Variants in PRRC2B observed in about 807,000 individuals in gnomAD.
The protein encoded by PRRC2B is protein PRRC2B.
PRRC2B carries 68 observed loss-of-function variants against 242.3 expected under a neutral mutation model. The observed-to-expected ratio is 0.28, with a 90% CI of 0.23 to 0.34. The LOEUF is 0.34. Among genes scored for constraint, PRRC2B ranks in the 10% least tolerant of loss-of-function variants. PRRC2B has a pLI of 1.00. For missense variants in PRRC2B, 2,835 were observed against 2,954.8 expected (o/e 0.96, Z 0.94); for synonymous variants, 1,228 against 1,173.6 (o/e 1.05, Z -0.95).
chr9:131,444,293 T>A lies in PRRC2B; in HGVS notation c.578T>A (p.Leu193Gln). The change falls in exon 6 of 32, where the codon CTG (leucine) becomes CAG (glutamine). Residue 193 changes from leucine to glutamine, a missense_variant. Leu to Gln is a moderately radical substitution (Grantham distance 113). Transcript: ENST00000683519. ...KAGKEKGVLD[L>Q]SYGPGPSLRP... ...GGCAAAGAAAAGGGCGTCTTAGATC[T>A]GTCGTATGGGCCAGGACCAAGCCTC... 1 of 1,613,580 alleles carries A rather than the reference T, an allele frequency of 6.2e-7. No homozygotes were observed. The highest frequency in any genetic ancestry group is 8.5e-7 in the Non-Finnish European group (1 of 1,179,698).
intron 1 of PRRC2B, among the ~76,000 whole-genome samples, chr9:131,408,901 TAGAGACG>T (rs1837435426): frequency 6.6e-6 from 1 of 151,996 alleles, no homozygotes; most frequent in African/African-American, 2.4e-5. Flanking sequence ...GTGTTTTCAG[TAGAGACG>T]AGGTTTCTCC....
intron 19 of PRRC2B, among the ~76,000 whole-genome samples, chr9:131,480,513 C>G (rs1187627285): frequency 2.6e-5 from 4 of 151,940 alleles, no homozygotes; most frequent in African/African-American, 7.3e-5. Flanking sequence ...TTTGTCAGAT[C>G]TTTTACTCCA....
intron 6 of PRRC2B, among the ~76,000 whole-genome samples, chr9:131,444,692 A>G (rs1838730908): frequency 6.6e-6 from 1 of 152,174 alleles, no homozygotes; most frequent in Non-Finnish European, 1.5e-5. Flanking sequence ...TCTAGTCGGA[A>G]TCACTGGGGA....
At chr9:131,379,299 G>A (rs1836725219) in intron 1 of PRRC2B, among the ~76,000 whole-genome samples, 1 of 152,146 alleles carries the variant, frequency 6.6e-6, no homozygotes, top group South Asian at 2.1e-4. Flanking sequence ...ATGTGTTGGG[G>A]TATATATCCA....
intron 13 of PRRC2B, among the ~76,000 whole-genome samples, chr9:131,470,196 A>G (rs1284596517): frequency 6.6e-6 from 1 of 152,192 alleles, no homozygotes; most frequent in Non-Finnish European, 1.5e-5. Context: ...GCAAAGTCAC[A>G]CGGGACCCAA....
chr9:131,485,382 G>C (rs1264867311), intron 25 of PRRC2B, among the ~76,000 whole-genome samples: 2 of 152,220 alleles, frequency 1.3e-5, no homozygotes, highest in Non-Finnish European at 2.9e-5. Flanking sequence ...ACTGGTGACA[G>C]GAGCGAGCAA....
chr9:131,487,919 A>G lies in PRRC2B; in HGVS notation c.6048A>G (p.Thr2016=). ...GCACCATGATCCTCTCTGGGGGCAC[A>G]GCCTTGAAGCCTCCATACTCGGCGT... The part of the protein sequence containing the change: ...PPSTMILSGG[T]ALKPPYSAFP... The change falls in exon 28 of 32, where the codon ACA becomes ACG. Residue 2016 remains threonine (T), a synonymous_variant. Transcript: ENST00000683519. The surrounding 1 kb of genome is among the most constrained non-coding windows in gnomAD (Gnocchi z 5.3). The G allele has an allele frequency of 5.0e-6, 8 of 1,613,918 alleles. No individual in the cohort carries two copies. The highest frequency in any genetic ancestry group is 6.8e-6 in the Non-Finnish European group (8 of 1,179,828).
chr9:131,377,310 T>C (rs1439580461), intron 1 of PRRC2B, among the ~76,000 whole-genome samples: 3 of 152,182 alleles, frequency 2.0e-5, no homozygotes, highest in African/African-American at 4.8e-5. Flanking sequence ...AGACGGGGTT[T>C]CACCATGTTG....
rs1230369963 is a variant in PRRC2B at position 131,476,278 on chromosome 9, C to G, written c.4149C>G (p.Phe1383Leu). The G allele has an allele frequency of 6.2e-7, 1 of 1,608,604 alleles. No individual in the cohort carries two copies. Among genetic ancestry groups the G allele is most frequent in the African/African-American group, 1.3e-5 (1 of 74,948 alleles). Residue 1383 changes from phenylalanine (F) to leucine (L), a missense_variant, in exon 16 of 32, where the codon TTC (phenylalanine) becomes TTG (leucine). By Grantham distance (22) the Phe-to-Leu change is conservative. Coordinates refer to ENST00000683519, the MANE Select transcript of PRRC2B (RefSeq NM_013318.4). ...EWETASESSD[F>L]SERRERREGP... is the part of the protein sequence containing the mutation. ...AGACGGCCTCCGAAAGCAGCGACTT[C>G]AGCGAGCGGCGGGAGCGGCGGGAAG...
At chr9:131,466,360 C>G (rs1362281303) in intron 12 of PRRC2B, among the ~76,000 whole-genome samples, 3 of 152,194 alleles carry the variant, frequency 2.0e-5, no homozygotes, top group East Asian at 1.9e-4. Flanking sequence ...GTAATTAATT[C>G]AATTCTTACA....
intron 1 of PRRC2B, among the ~76,000 whole-genome samples, chr9:131,422,173 G>A (rs777295509): frequency 1.3e-5 from 2 of 152,060 alleles, no homozygotes; most frequent in Non-Finnish European, 2.9e-5. Context: ...TCCTGCCTCA[G>A]CCTCCCGAAT....
rs775941500 is a variant in PRRC2B, at chr9:131,464,901, C to T, written c.1543C>T (p.Arg515Cys). 1.1e-5 allele frequency: 18 copies of T among 1,613,160 alleles called. No individual in the cohort carries two copies. The highest frequency in any genetic ancestry group is 8.8e-5 in the South Asian group (8 of 91,044). ...CCGAAAGCGCCGGGAAGAAGAGGAG[C>T]GCCGAGCCCGGGAGGAGAGGCTGGC... ...RARKRREEEE[R>C]RAREERLAAC... The change falls in exon 12 of 32, where the codon CGC becomes TGC. Residue 515 changes from arginine to cysteine, a missense_variant. Around this residue, in one of 7 missense-constraint regions of PRRC2B, gnomAD observed 626 missense variants for 685.5 expected, o/e 0.91. Transcript: ENST00000683519.
chr9:131,393,469 C>T (rs1344394601), upstream of PRRC2B, among the ~76,000 whole-genome samples: 2 of 152,196 alleles, frequency 1.3e-5, no homozygotes, highest in African/African-American at 4.8e-5. Flanking sequence ...ACACAACACT[C>T]AAGAGGAGGG....
Position 131,486,012 on chromosome 9 carries a change from G to C in PRRC2B, c.5759-73G>C, listed in dbSNP as rs541748532. On this transcript the variant is annotated intron_variant, in intron 25 of 31. Coordinates refer to ENST00000683519, the MANE Select transcript of PRRC2B (RefSeq NM_013318.4). The stretch of plus-strand genomic sequence containing the variant: ...CCTGGGTAGAGCAGACCTGTAGACT[G>C]TTTCCCTCAGGGACATTGAGAAGTA... The C allele has an allele frequency of 3.5e-5, 36 of 1,040,484 alleles. No individual in the cohort carries two copies. The African/African-American group carries it at 4.9e-4, about 14-fold the overall frequency. 64.5% of individuals were successfully genotyped at this position (1,040,484 alleles called of 1,614,324 possible).
At chr9:131,483,711 G>A (rs1206777330) in intron 23 of PRRC2B, among the ~76,000 whole-genome samples, 1 of 152,182 alleles carries the variant, frequency 6.6e-6, no homozygotes, top group East Asian at 1.9e-4. Context: ...CCAGACTCAG[G>A]CTGCCTTTTC....
rs1287852475 is a variant in PRRC2B at position 131,476,543 on chromosome 9, C to T, written c.4406+8C>T. 1.3e-6 allele frequency: 2 copies of T among 1,570,240 alleles called. No individual in the cohort carries two copies. The highest frequency in any genetic ancestry group is 2.4e-5 in the South Asian group (2 of 84,992). On this transcript the variant is annotated splice_region_variant and intron_variant, in intron 16 of 31. Transcript: ENST00000683519. ...GCCTTTGAAAGTGAAAAGGTAAAAC[C>T]AGACACCATCTGGGCCCTTTTTGTT...
At chr9:131,461,390 G>T (rs997710866) in intron 11 of PRRC2B, among the ~76,000 whole-genome samples, 2 of 152,090 alleles carry the variant, frequency 1.3e-5, no homozygotes, top group Non-Finnish European at 2.9e-5. Flanking sequence ...GCAGTCAGCC[G>T]CCAGGACTCC....
At position 131,500,162 on chromosome 9, in the gene PRRC2B, C is replaced by A. The variant is rs1442542824; in HGVS notation, c.*4288C>A. On this transcript the variant is annotated 3_prime_UTR_variant, in exon 32 of 32. Transcript: ENST00000683519. ...CTAGCTCTTTCCATATGAAAGAATTCTCCTTATTTAAATAAAAAAAGTTTA... is the reference window on the plus strand; with the variant it reads ...CTAGCTCTTTCCATATGAAAGAATTATCCTTATTTAAATAAAAAAAGTTTA... 6.6e-6 allele frequency: 1 copy of A among 152,152 alleles called. No individual in the cohort carries two copies. The highest frequency in any genetic ancestry group is 2.4e-5 in the African/African-American group (1 of 41,428). The allele number at this position is 152,152 out of a possible 1,614,324, so 9.4% of individuals were successfully genotyped here. A position where few individuals can be genotyped will look rare whatever the true frequency, so the allele number is the denominator to read the frequency against.
chr9:131,446,766 T>G lies in PRRC2B; in HGVS notation c.855+124T>G. 8.7e-7 allele frequency: 1 copy of G among 1,146,324 alleles called. No homozygotes were observed. The highest frequency in any genetic ancestry group is 1.2e-6 in the Non-Finnish European group (1 of 816,534). 71.0% of individuals were successfully genotyped at this position (1,146,324 alleles called of 1,614,324 possible). A position where few individuals can be genotyped will look rare whatever the true frequency, so the allele number is the denominator to read the frequency against. ...GCCCTGTTACCCTACTTCTGAGGCT[T>G]CCACTCGTTTTGCATTTTCTCTCCC... On this transcript the variant is annotated intron_variant, in intron 7 of 31. Transcript: ENST00000683519. This position sits in a 1 kb window ranked among gnomAD's most constrained non-coding sequence, Gnocchi z 4.1.
Sources: gnomAD v4.1 joint callset for allele counts (sites outside exome capture counted in the v4.1 genomes callset) on GRCh38, gnomAD v4.1.1 for gene constraint, gnomAD v4.1.1 regional missense constraint, Gnocchi (gnomAD v3.1) non-coding constraint, MANE v1.5 for transcripts, NCBI Gene and HGNC (gene_info 2026-07-23, HGNC 2026-07-21) for gene names.